NEGR1: variants seen among roughly 807,000 people sequenced by gnomAD.
NEGR1 encodes neuronal growth regulator 1.
In NEGR1, 10 loss-of-function variants were observed where a neutral mutation model predicts 40.9. The observed-to-expected ratio is 0.24, with a 90% CI of 0.15 to 0.42. The LOEUF (loss-of-function observed/expected upper bound fraction) is 0.42, where lower values mean the gene tolerates loss of function less well. Ranked by LOEUF, NEGR1 falls within the 10% of genes least tolerant of loss-of-function variation. The pLI is 1.00. For missense variants in NEGR1, 352 were observed against 438.9 expected, an observed-to-expected ratio of 0.80 and a Z score of 1.77; for synonymous variants, 185 against 166.8, an observed-to-expected ratio of 1.11 and a Z score of -0.84.
chr1:72,072,784 G>A (rs1647526786), intron 1 of NEGR1, among the ~76,000 whole-genome samples: 1 of 152,068 alleles, frequency 6.6e-6, no homozygotes, highest in Admixed American at 6.6e-5. Context: ...CCTTTGTGTT[G>A]CTAATAGCAT....
Position 71,555,107 on chromosome 1 carries a change from T to C in NEGR1, c.940+37710A>G, listed in dbSNP as rs920588429. On this transcript the variant is annotated intron_variant, in intron 6 of 6. Coordinates refer to ENST00000357731, the MANE Select transcript of NEGR1 (RefSeq NM_173808.3). The stretch of plus-strand genomic sequence containing the variant: ...TTTGAGACAATGAGTTACTAACTTT[T>C]TGAGTAATGGATTGAGAAGCCCTAG... 1.3e-4 allele frequency among the ~76,000 whole-genome samples: 19 copies of C among 151,590 alleles called. No homozygotes were observed. The East Asian group carries it at 1.4e-3, about 11-fold the overall frequency.
chr1:71,995,060 AG>A (rs1646492189), intron 1 of NEGR1, among the ~76,000 whole-genome samples: 1 of 152,096 alleles, frequency 6.6e-6, no homozygotes, highest in Non-Finnish European at 1.5e-5. Context: ...ATTTTCTGAA[AG>A]AACACTATTT....
chr1:71,828,030 C>T (rs1180671772), intron 2 of NEGR1, among the ~76,000 whole-genome samples: 1 of 151,872 alleles, frequency 6.6e-6, no homozygotes, highest in Non-Finnish European at 1.5e-5. Context: ...AACTGAAGAG[C>T]AGCATTTGCT....
intron 1 of NEGR1, among the ~76,000 whole-genome samples, chr1:72,141,042 A>T (rs1266915678): frequency 6.6e-6 from 1 of 152,042 alleles, no homozygotes; most frequent in African/African-American, 2.4e-5. Flanking sequence ...GATATGATAT[A>T]ATGTAGTAAA....
Position 71,662,496 on chromosome 1 carries a change from G to T in NEGR1, c.667+35512C>A, listed in dbSNP as rs1260128720. On this transcript the variant is annotated intron_variant, in intron 4 of 6. Transcript: ENST00000357731. ...CCTTAGATTTATAGACTGAACCTTG[G>T]TTCTACCATTTATTAATAAGATATT... Among the ~76,000 whole-genome samples the T allele has an allele frequency of 2.6e-5, 4 of 152,092 alleles. No homozygotes were observed. The East Asian group carries it at 7.8e-4, about 29-fold the overall frequency.
At chr1:71,703,000 A>G (rs1653752138) in intron 3 of NEGR1, among the ~76,000 whole-genome samples, 1 of 152,126 alleles carries the variant, frequency 6.6e-6, no homozygotes, top group South Asian at 2.1e-4. Flanking sequence ...ACAAAAAGCT[A>G]CAGAAATCTA....
chr1:72,098,288 A>C (rs1389365348), intron 1 of NEGR1, among the ~76,000 whole-genome samples: 2 of 152,148 alleles, frequency 1.3e-5, no homozygotes, highest in Admixed American at 1.3e-4. Context: ...ATGACTGGAA[A>C]AAAAAATTTA....
At chr1:72,000,814 G>C (rs1364626655) in intron 1 of NEGR1, among the ~76,000 whole-genome samples, 1 of 152,108 alleles carries the variant, frequency 6.6e-6, no homozygotes, top group Non-Finnish European at 1.5e-5. Context: ...TCAGGATCTA[G>C]ATAGTCAAAA....
At chr1:71,874,088 A>C (rs1186831790) in intron 2 of NEGR1, among the ~76,000 whole-genome samples, 2 of 152,124 alleles carry the variant, frequency 1.3e-5, no homozygotes, top group African/African-American at 4.8e-5. Flanking sequence ...AAGTATCCTA[A>C]TAGGTTTGGT....
At chr1:72,091,426 T>G (rs1648492108) in intron 1 of NEGR1, among the ~76,000 whole-genome samples, 1 of 112,596 alleles carries the variant, frequency 8.9e-6, no homozygotes, top group Admixed American at 1.2e-4. Context: ...TCTCCTTCCC[T>G]CCTTCCCTCC....
At position 71,403,358 on chromosome 1, in the gene NEGR1, G is replaced by C. The variant is rs1425307735; in HGVS notation, c.*4088C>G. On this transcript the variant is annotated 3_prime_UTR_variant, in exon 7 of 7. Transcript: ENST00000357731. ...CTCTGCCTGGCTCTTACAAGCGTTT[G>C]AGTTTTCAGTTGTTTAGCCTGTAAG... 6.6e-6 allele frequency: 1 copy of C among 152,038 alleles called. No individual in the cohort carries two copies. The highest frequency in any genetic ancestry group is 1.9e-4 in the East Asian group (1 of 5,186). 9.4% of individuals were successfully genotyped at this position (152,038 alleles called of 1,614,324 possible).
At chr1:71,459,953 A>G (rs1319977211) in intron 6 of NEGR1, among the ~76,000 whole-genome samples, 1 of 152,192 alleles carries the variant, frequency 6.6e-6, no homozygotes, top group Non-Finnish European at 1.5e-5. Context: ...TATTCATGGT[A>G]CTTGTCACAG....
chr1:72,168,058 T>G (rs1651830253), intron 1 of NEGR1, among the ~76,000 whole-genome samples: 2 of 151,132 alleles, frequency 1.3e-5, no homozygotes, highest in African/African-American at 4.9e-5. Flanking sequence ...CAGGCTGGAG[T>G]GCAGTGGCGT....
intron 1 of NEGR1, among the ~76,000 whole-genome samples, chr1:72,177,231 A>G (rs907910705): frequency 2.0e-5 from 3 of 152,096 alleles, no homozygotes; most frequent in African/African-American, 7.2e-5. Flanking sequence ...AACTTTACTC[A>G]TGGTATATTT....
chr1:71,743,950 T>C (rs1039252295), intron 3 of NEGR1, among the ~76,000 whole-genome samples: 1 of 152,190 alleles, frequency 6.6e-6, no homozygotes, highest in African/African-American at 2.4e-5. Flanking sequence ...TGTCAAGAAT[T>C]GGAAATATGA....
At chr1:72,107,678 T>C (rs958973027) in intron 1 of NEGR1, among the ~76,000 whole-genome samples, 11 of 151,452 alleles carry the variant, frequency 7.3e-5, no homozygotes, top group African/African-American at 2.4e-4. Context: ...CAGAATCTTA[T>C]ATATATTAGA....
rs545644577 is a variant in NEGR1 at position 72,110,104 on chromosome 1, G to T, written c.176+172215C>A. On this transcript the variant is annotated intron_variant, in intron 1 of 6. Transcript: ENST00000357731. ...GCAACTGTAAAACATCAGGAGATTA[G>T]TTTTCAGACCAGTGTGGAGACAAAA... Among the ~76,000 whole-genome samples, 4 of 150,514 alleles carry T rather than the reference G, an allele frequency of 2.7e-5. No individual in the cohort carries two copies. In the East Asian group the frequency reaches 7.9e-4, roughly 30 times the overall value.
chr1:71,463,928 T>A (rs750920053), intron 6 of NEGR1, among the ~76,000 whole-genome samples: 150 of 152,298 alleles, frequency 9.8e-4, no homozygotes, highest in Non-Finnish European at 1.9e-3. Context: ...ATGGAGCTTA[T>A]GCCAGATGAA....
At chr1:72,115,112 G>A (rs979455295) in intron 1 of NEGR1, among the ~76,000 whole-genome samples, 7 of 151,688 alleles carry the variant, frequency 4.6e-5, no homozygotes, top group African/African-American at 1.7e-4. Context: ...TCCTGAGTAA[G>A]CCTTTTATTT....
Sources: allele counts gnomAD v4.1 joint callset (sites outside exome capture counted in the v4.1 genomes callset), GRCh38; gene constraint gnomAD v4.1.1; transcripts MANE v1.5; gene names NCBI Gene and HGNC (gene_info 2026-07-23, HGNC 2026-07-21).